The following LRRC18 variants were observed in gnomAD, a reference collection of about 807,000 sequenced individuals.
LRRC18 encodes leucine rich repeat containing 18, also known as leucine-rich repeat-containing protein 18.
LRRC18 carries 12 observed loss-of-function variants against 11.2 expected under a neutral mutation model. The ratio of observed to expected loss-of-function variants is 1.07; its 90% confidence interval spans 0.69 to 1.74. LRRC18 has a LOEUF of 1.74. LRRC18 is among the 40% of genes most tolerant of loss of function. The pLI is 0.00. For synonymous variants in LRRC18, 155 were observed against 130.6 expected (o/e 1.19, Z -1.27); for missense variants, 374 against 330.5 (o/e 1.13, Z -1.02).
the LRRC18 span, among the ~76,000 whole-genome samples, chr10:48,920,087 C>A: frequency 0.029 from 4,444 of 151,378 alleles, 215 homozygotes; most frequent in African/African-American, 0.1. Context: ...ACTTGGGAAT[C>A]AGTTAATGTA....
chr10:48,916,932 A>C (rs1297010200), upstream of LRRC18, among the ~76,000 whole-genome samples: 1 of 151,120 alleles, frequency 6.6e-6, no homozygotes, highest in East Asian at 1.9e-4. Flanking sequence ...CTGCATAATG[A>C]TGTTTTGGTC....
the LRRC18 span, among the ~76,000 whole-genome samples, chr10:48,930,653 T>C: frequency 7.9e-5 from 12 of 152,138 alleles, no homozygotes; most frequent in Non-Finnish European, 2.9e-5. Context: ...AGACTTTTGA[T>C]AGAAACATGC....
chr10:48,916,684 G>T (rs1245349359), upstream of LRRC18, among the ~76,000 whole-genome samples: 2 of 152,200 alleles, frequency 1.3e-5, no homozygotes, highest in East Asian at 3.8e-4. Flanking sequence ...CAACAGGGAA[G>T]AAATTCAGGA....
the LRRC18 span, among the ~76,000 whole-genome samples, chr10:48,924,740 A>G: frequency 6.6e-6 from 1 of 152,230 alleles, no homozygotes; most frequent in Admixed American, 6.5e-5. Context: ...GGATATCTAA[A>G]TTAAAAAAGT....
chr10:48,932,164 A>T, the LRRC18 span, among the ~76,000 whole-genome samples: 6 of 152,330 alleles, frequency 3.9e-5, no homozygotes, highest in South Asian at 1.2e-3. Context: ...TAAAAATGTT[A>T]GGTGACCAGT....
upstream of LRRC18, chr10:48,914,255 C>G (rs1041255654): frequency 1.6e-5 from 21 of 1,347,234 alleles, no homozygotes; most frequent in Non-Finnish European, 2.1e-5. Flanking sequence ...AAGAAAACAT[C>G]TGGTTAGGAG....
At chr10:48,926,182 C>G in the LRRC18 span, among the ~76,000 whole-genome samples, 1 of 152,206 alleles carries the variant, frequency 6.6e-6, no homozygotes, top group East Asian at 1.9e-4. Context: ...ATCCTGGAAT[C>G]CTATGACTCT....
chr10:48,923,717 T>C, the LRRC18 span, among the ~76,000 whole-genome samples: 2 of 151,982 alleles, frequency 1.3e-5, no homozygotes, highest in Non-Finnish European at 2.9e-5. Flanking sequence ...TCAGGCCCAG[T>C]CCTCAAGTTG....
chr10:48,923,409 C>T, the LRRC18 span, among the ~76,000 whole-genome samples: 1 of 150,228 alleles, frequency 6.7e-6, no homozygotes, highest in Non-Finnish European at 1.5e-5. Flanking sequence ...ATGGCTTCTC[C>T]CCATGGTAGA....
At chr10:48,939,320 T>C in the LRRC18 span, among the ~76,000 whole-genome samples, 4 of 152,202 alleles carry the variant, frequency 2.6e-5, no homozygotes, top group African/African-American at 9.6e-5. Context: ...ATGCTAGCCT[T>C]TTCCAGACCC....
At chr10:48,935,358 G>A in the LRRC18 span, 2 of 152,240 alleles carry the variant, frequency 1.3e-5, no homozygotes, top group Admixed American at 1.3e-4. Context: ...GCCACGAGGA[G>A]GGAACCCCAG....
the LRRC18 span, among the ~76,000 whole-genome samples, chr10:48,920,258 T>C: frequency 6.7e-6 from 1 of 150,018 alleles, no homozygotes; most frequent in Non-Finnish European, 1.5e-5. Flanking sequence ...ACAAAAAAGC[T>C]AGAGCGGACA....
At chr10:48,927,654 G>A in the LRRC18 span, among the ~76,000 whole-genome samples, 13 of 152,232 alleles carry the variant, frequency 8.5e-5, no homozygotes, top group East Asian at 1.9e-4. Flanking sequence ...TCGCACCAGC[G>A]TGGCTCTGCA....
At chr10:48,930,696 A>T in the LRRC18 span, among the ~76,000 whole-genome samples, 1 of 152,246 alleles carries the variant, frequency 6.6e-6, no homozygotes, top group Non-Finnish European at 1.5e-5. Context: ...AGTAAAAAAA[A>T]ATTAGAAACA....
chr10:48,919,719 C>T, the LRRC18 span, among the ~76,000 whole-genome samples: 4 of 152,166 alleles, frequency 2.6e-5, no homozygotes, highest in Non-Finnish European at 5.9e-5. Flanking sequence ...ATGAAGTCTC[C>T]ACCCTCAAGA....
At chr10:48,927,582 T>C in the LRRC18 span, among the ~76,000 whole-genome samples, 1 of 152,246 alleles carries the variant, frequency 6.6e-6, no homozygotes, top group Non-Finnish European at 1.5e-5. Context: ...TCTAAGTGTC[T>C]TACTGGGATA....
At chr10:48,931,170 G>A in the LRRC18 span, among the ~76,000 whole-genome samples, 115,556 of 151,994 alleles carry the variant, frequency 0.76, 45,922 homozygotes, top group East Asian at 1. Context: ...GGGTGGTGGT[G>A]GGAGTTATTC....
chr10:48,917,279 A>C (rs954856488), upstream of LRRC18, among the ~76,000 whole-genome samples: 1 of 152,210 alleles, frequency 6.6e-6, no homozygotes, highest in Non-Finnish European at 1.5e-5. Flanking sequence ...TGATACCTAT[A>C]CTTACACCTG....
At chr10:48,936,335 G>A in the LRRC18 span, among the ~76,000 whole-genome samples, 2 of 151,916 alleles carry the variant, frequency 1.3e-5, no homozygotes, top group Non-Finnish European at 2.9e-5. Context: ...ATAAATTTCT[G>A]AATGAAGATG....
Sources: allele counts gnomAD v4.1 joint callset (sites outside exome capture counted in the v4.1 genomes callset), GRCh38; gene constraint gnomAD v4.1.1; transcripts MANE v1.5; gene names NCBI Gene and HGNC (gene_info 2026-07-23, HGNC 2026-07-21).